GRIN2B: variants seen among roughly 807,000 people sequenced by gnomAD.
GRIN2B encodes the protein glutamate receptor ionotropic, NMDA 2B.
In GRIN2B, 5 loss-of-function variants were observed where a neutral mutation model predicts 114.5. That is an observed-to-expected ratio of 0.04 (90% CI 0.02 to 0.09). The LOEUF (loss-of-function observed/expected upper bound fraction) is 0.09. Ranked by LOEUF, GRIN2B falls within the 10% of genes least tolerant of loss-of-function variation. The pLI, the probability that GRIN2B is intolerant of heterozygous loss-of-function variation, is 1.00. For synonymous variants in GRIN2B, 787 were observed against 745.1 expected (o/e 1.06, Z -0.92); for missense variants, 1,108 against 1,943.5 (o/e 0.57, Z 8.08).
intron 3 of GRIN2B, among the ~76,000 whole-genome samples, chr12:13,817,268 C>T (rs764698816): frequency 3.3e-5 from 5 of 152,120 alleles, no homozygotes; most frequent in South Asian, 2.1e-4. Context: ...AGTCAGACAG[C>T]GGTGCAGTGG....
rs117226900 is a variant in GRIN2B, at chr12:13,740,135, C to T, written c.1010+13182G>A. ...TCTATCAGAAAGGATCCTCCATGGCCTTGGATCAGAGGTACCAGGAAATTC... is the reference window on the plus strand; with the variant it reads ...TCTATCAGAAAGGATCCTCCATGGCTTTGGATCAGAGGTACCAGGAAATTC... On this transcript the variant is annotated intron_variant, in intron 4 of 13. Coordinates refer to ENST00000609686, the MANE Select transcript of GRIN2B (RefSeq NM_000834.5). Among the ~76,000 whole-genome samples, 167 of 152,264 alleles carry T rather than the reference C, an allele frequency of 1.1e-3. 1 individual carries two copies. In the East Asian group the frequency reaches 0.027, roughly 25 times the overall value.
intron 3 of GRIN2B, among the ~76,000 whole-genome samples, chr12:13,775,668 C>T (rs1163575691): frequency 1.3e-5 from 2 of 152,156 alleles, no homozygotes; most frequent in Non-Finnish European, 2.9e-5. Context: ...TGCATCATTT[C>T]CCACTCTCAT....
At position 13,928,260 on chromosome 12, in the gene GRIN2B, G is replaced by A. The variant is rs1273901507; in HGVS notation, c.-19+51668C>T. 5.5e-5 allele frequency among the ~76,000 whole-genome samples: 8 copies of A among 144,570 alleles called. No individual in the cohort carries two copies. The East Asian group carries it at 1.4e-3, about 26-fold the overall frequency. The allele number at this position is 144,570 out of a possible 152,430, so 94.8% of individuals were successfully genotyped here. On this transcript the variant is annotated intron_variant, in intron 2 of 13. Transcript: ENST00000609686. Reference sequence around the variant, plus strand: ...AGAGGTTGTGATGAGCTGAGATTGCGCCATTACACTCCAGCCTGGGTGACA... The same window carrying A: ...AGAGGTTGTGATGAGCTGAGATTGCACCATTACACTCCAGCCTGGGTGACA...
intron 3 of GRIN2B, among the ~76,000 whole-genome samples, chr12:13,856,705 C>T (rs1289490688): frequency 1.3e-5 from 2 of 152,144 alleles, no homozygotes; most frequent in African/African-American, 2.4e-5. Flanking sequence ...CTTGCACCTC[C>T]CCTGGCCATC....
intron 3 of GRIN2B, among the ~76,000 whole-genome samples, chr12:13,812,671 C>G (rs942656087): frequency 3.3e-5 from 5 of 151,986 alleles, no homozygotes; most frequent in African/African-American, 1.2e-4. Context: ...GAGATTAGAG[C>G]ACAACCTCTG....
chr12:13,923,081 T>C (rs376872674), intron 2 of GRIN2B, among the ~76,000 whole-genome samples: 2 of 152,174 alleles, frequency 1.3e-5, no homozygotes, highest in African/African-American at 4.8e-5. Context: ...TTAAATCTAA[T>C]ATACTTCTTT....
At chr12:13,818,668 G>C (rs1295475116) in intron 3 of GRIN2B, among the ~76,000 whole-genome samples, 1 of 152,184 alleles carries the variant, frequency 6.6e-6, no homozygotes, top group Non-Finnish European at 1.5e-5. Context: ...AGAATAGAAA[G>C]TAGTTTTAAG....
chr12:13,946,677 A>G (rs1040808213), intron 2 of GRIN2B, among the ~76,000 whole-genome samples: 5 of 152,172 alleles, frequency 3.3e-5, no homozygotes, highest in African/African-American at 1.2e-4. Context: ...TGGTGAAAAT[A>G]AAATAACCAC....
At position 13,616,459 on chromosome 12, in the gene GRIN2B, T is replaced by C. The variant is rs543857023; in HGVS notation, c.1324A>G (p.Thr442Ala). The C allele has an allele frequency of 6.2e-7, 1 of 1,612,118 alleles. No individual in the cohort carries two copies. The highest frequency in any genetic ancestry group is 8.5e-7 in the Non-Finnish European group (1 of 1,178,720). Reference sequence around the variant, plus strand: ...GTCATTGAGAGGATGCCATACTCAGTGACTATGCGTTTTTGGCAGGGGACT... The same window carrying C: ...GTCATTGAGAGGATGCCATACTCAGCGACTATGCGTTTTTGGCAGGGGACT... ...NTVPCQKRIV[T>A]ENKTDEEPGY... The change falls in exon 6 of 14, where the codon ACT (threonine) becomes GCT (alanine). Residue 442 changes from threonine to alanine, a missense_variant. Around this residue, in one of 19 missense-constraint regions of GRIN2B, gnomAD observed 26 missense variants for 23.5 expected, o/e 1.11. Coordinates refer to ENST00000609686, the MANE Select transcript of GRIN2B (RefSeq NM_000834.5).
intron 10 of GRIN2B, among the ~76,000 whole-genome samples, chr12:13,572,206 CAACCCTGACTTTAATCTAT>C (rs1001131795): frequency 6.6e-6 from 1 of 152,140 alleles, no homozygotes; most frequent in African/African-American, 2.4e-5. Context: ...TCTATTTGCC[CAACCCTGACTTTAATCTAT>C]AACCCTTCTA....
chr12:13,793,169 G>A (rs953184479), intron 3 of GRIN2B, among the ~76,000 whole-genome samples: 3 of 152,320 alleles, frequency 2.0e-5, no homozygotes, highest in Middle Eastern at 3.4e-3. Context: ...CACTTTGGGA[G>A]GCCGAGGCGA....
At chr12:13,725,430 A>C (rs994485399) in intron 4 of GRIN2B, among the ~76,000 whole-genome samples, 4 of 152,074 alleles carry the variant, frequency 2.6e-5, no homozygotes, top group African/African-American at 9.7e-5. Context: ...ATACATTTGC[A>C]AGGTGTTCTC....
At chr12:13,885,472 G>A (rs1421943334) in intron 2 of GRIN2B, among the ~76,000 whole-genome samples, 3 of 152,062 alleles carry the variant, frequency 2.0e-5, no homozygotes, top group South Asian at 4.1e-4. Context: ...TTTTCTCCCC[G>A]TTAATGTGAA....
intron 3 of GRIN2B, among the ~76,000 whole-genome samples, chr12:13,852,521 CCTTTT>C (rs1029518908): frequency 2.6e-5 from 4 of 152,002 alleles, no homozygotes; most frequent in Admixed American, 6.5e-5. Flanking sequence ...GAAAAGGATG[CCTTTT>C]CTTTTAAGAG....
At position 13,770,910 on chromosome 12, in the gene GRIN2B, G is replaced by A. The variant is rs561274251; in HGVS notation, c.412-16995C>T. ...AAACCCCTACAAAGTTTTACTCCCC[G>A]TATTTCTTCCCTAGGTGCCTCAACT... is the stretch of plus-strand genomic sequence containing the variant. On this transcript the variant is annotated intron_variant, in intron 3 of 13. Transcript: ENST00000609686. 1.3e-4 allele frequency among the ~76,000 whole-genome samples: 20 copies of A among 152,262 alleles called. No homozygotes were observed. In the South Asian group the frequency reaches 1.7e-3, roughly 13 times the overall value.
At chr12:13,930,276 T>C (rs972122556) in intron 2 of GRIN2B, among the ~76,000 whole-genome samples, 4 of 152,214 alleles carry the variant, frequency 2.6e-5, no homozygotes, top group African/African-American at 9.6e-5. Flanking sequence ...ATAGGATTAT[T>C]AGACTGGTGA....
intron 4 of GRIN2B, among the ~76,000 whole-genome samples, chr12:13,699,888 T>C (rs76041097): frequency 3.9e-4 from 3 of 7,638 alleles, no homozygotes; most frequent in Non-Finnish European, 1.5e-3. Flanking sequence ...CACCCAGCCT[T>C]TTTTTTTTTT....
intron 2 of GRIN2B, among the ~76,000 whole-genome samples, chr12:13,923,421 G>A (rs1238183193): frequency 1.3e-5 from 2 of 152,180 alleles, no homozygotes; most frequent in African/African-American, 2.4e-5. Context: ...ACATGAAATT[G>A]CAATGAGATG....
rs1949164454 is a variant in GRIN2B, at chr12:13,601,715, G to A, written c.2010+6888C>T. Among the ~76,000 whole-genome samples the A allele has an allele frequency of 2.6e-5, 4 of 151,870 alleles. No homozygotes were observed. In the South Asian group the frequency reaches 8.3e-4, roughly 32 times the overall value. On this transcript the variant is annotated intron_variant, in intron 10 of 13. Coordinates refer to ENST00000609686, the MANE Select transcript of GRIN2B (RefSeq NM_000834.5). Reference sequence around the variant, plus strand: ...GTTCAAGGGAAAGAGGGTCGTTCAAGGGGAAGGGGACCACAAAAGGGGAAG... The same window carrying A: ...GTTCAAGGGAAAGAGGGTCGTTCAAAGGGAAGGGGACCACAAAAGGGGAAG...
Sources: gnomAD v4.1 joint callset for allele counts (sites outside exome capture counted in the v4.1 genomes callset) on GRCh38, gnomAD v4.1.1 for gene constraint, gnomAD v4.1.1 regional missense constraint, MANE v1.5 for transcripts, NCBI Gene and HGNC (gene_info 2026-07-23, HGNC 2026-07-21) for gene names.